Variants in RIMS1 observed in about 807,000 individuals in gnomAD.
The protein encoded by RIMS1 is regulating synaptic membrane exocytosis protein 1.
RIMS1 carries 83 observed loss-of-function variants against 214.1 expected under a neutral mutation model. The ratio of observed to expected loss-of-function variants is 0.39; its 90% CI spans 0.32 to 0.47. The LOEUF (loss-of-function observed/expected upper bound fraction) is 0.47, where lower values mean the gene tolerates loss of function less well. Among genes scored for constraint, RIMS1 ranks in the 20% least tolerant of loss-of-function variants. The pLI is 0.99. For missense variants in RIMS1, 2,050 were observed against 2,161.8 expected (o/e 0.95, Z 1.03); for synonymous variants, 793 against 786.8 (o/e 1.01, Z -0.13).
chr6:72,010,460 A>C, intron 2 of RIMS1, among the ~76,000 whole-genome samples: 1 of 152,128 alleles, frequency 6.6e-6, no homozygotes, highest in Non-Finnish European at 1.5e-5. Context: ...ATTCAACATA[A>C]TGTTGGAAGT....
At chr6:72,342,618 G>C (rs188686532) in intron 29 of RIMS1, among the ~76,000 whole-genome samples, 3 of 142,804 alleles carry the variant, frequency 2.1e-5, no homozygotes, top group African/African-American at 7.7e-5. Context: ...AGTAGTAAGA[G>C]TAAGATGGGT....
chr6:72,129,994 G>T (rs2040195963), intron 4 of RIMS1, among the ~76,000 whole-genome samples: 2 of 152,026 alleles, frequency 1.3e-5, no homozygotes, highest in African/African-American at 2.4e-5. Flanking sequence ...ATTATTTCAG[G>T]ATAATATCAT....
chr6:72,358,055 A>G (rs1348944037), intron 29 of RIMS1, among the ~76,000 whole-genome samples: 3 of 126,366 alleles, frequency 2.4e-5, no homozygotes, highest in African/African-American at 7.9e-5. Flanking sequence ...CATTTTAAAC[A>G]GTATCACCAC....
chr6:72,211,577 A>G (rs1035717788), intron 6 of RIMS1, among the ~76,000 whole-genome samples: 4 of 152,168 alleles, frequency 2.6e-5, no homozygotes, highest in Non-Finnish European at 4.4e-5. Context: ...ATAGTACTTC[A>G]GTACTGTCCT....
intron 2 of RIMS1, among the ~76,000 whole-genome samples, chr6:72,055,956 T>C (rs1826043027): frequency 6.6e-6 from 1 of 152,146 alleles, no homozygotes; most frequent in Non-Finnish European, 1.5e-5. Flanking sequence ...TAAAGACACA[T>C]GCATGCATAT....
intron 6 of RIMS1, among the ~76,000 whole-genome samples, chr6:72,205,956 A>T (rs1181077232): frequency 2.0e-5 from 3 of 152,152 alleles, no homozygotes; most frequent in Non-Finnish European, 4.4e-5. Flanking sequence ...TTATATCTAT[A>T]CTATATGGTA....
At position 72,059,844 on chromosome 6, in the gene RIMS1, T is replaced by C. The variant is rs372176706; in HGVS notation, c.246-37105T>C. On this transcript the variant is annotated intron_variant, in intron 2 of 33. Coordinates refer to ENST00000521978, the MANE Select transcript of RIMS1 (RefSeq NM_014989.7). ...TTCACATCAAAATCTGGATTTGCAG[T>C]TTTTCTGGAATAACTGAAATATTTG... is the stretch of plus-strand genomic sequence containing the variant. Among the ~76,000 whole-genome samples, 13 of 152,296 alleles carry C rather than the reference T, an allele frequency of 8.5e-5. No homozygotes were observed. In the East Asian group the frequency reaches 2.3e-3, roughly 27 times the overall value.
chr6:71,931,778 T>C (rs528441477), intron 1 of RIMS1, among the ~76,000 whole-genome samples: 1 of 152,204 alleles, frequency 6.6e-6, no homozygotes, highest in South Asian at 2.1e-4. Flanking sequence ...ATTTTTGCTT[T>C]TGTTGTAAAT....
chr6:72,046,135 T>A (rs1273900339), intron 2 of RIMS1, among the ~76,000 whole-genome samples: 1 of 152,112 alleles, frequency 6.6e-6, no homozygotes, highest in African/African-American at 2.4e-5. Flanking sequence ...TCAGCACTTA[T>A]GTGTCTCTTT....
chr6:71,910,604 G>T (rs145453675), intron 1 of RIMS1, among the ~76,000 whole-genome samples: 2 of 152,236 alleles, frequency 1.3e-5, no homozygotes, highest in East Asian at 3.9e-4. Context: ...TCATTATCCA[G>T]GATTGATTTT....
chr6:72,097,793 T>C (rs2032256710), intron 3 of RIMS1, among the ~76,000 whole-genome samples: 1 of 152,200 alleles, frequency 6.6e-6, no homozygotes, highest in East Asian at 1.9e-4. Context: ...ACTCCTGTTA[T>C]GCCAGTACTT....
chr6:72,009,103 A>G (rs181466009), intron 2 of RIMS1, among the ~76,000 whole-genome samples: 1,856 of 152,310 alleles, frequency 0.012, 44 homozygotes, highest in African/African-American at 0.041. Context: ...ATGTAAAAGA[A>G]CAGAAATTAT....
At chr6:72,296,889 T>C (rs1592399128) in intron 26 of RIMS1, among the ~76,000 whole-genome samples, 1 of 151,858 alleles carries the variant, frequency 6.6e-6, no homozygotes, top group Non-Finnish European at 1.5e-5. Context: ...AGTAGTAGAC[T>C]ACAAACCCAG....
At chr6:72,227,258 C>T (rs1054735624) in intron 6 of RIMS1, among the ~76,000 whole-genome samples, 13 of 151,754 alleles carry the variant, frequency 8.6e-5, no homozygotes, top group East Asian at 3.9e-4. Flanking sequence ...TTAGTTTGTA[C>T]GTGCTATTAG....
intron 1 of RIMS1, among the ~76,000 whole-genome samples, chr6:71,910,326 G>C (rs534528309): frequency 1.3e-5 from 2 of 152,260 alleles, no homozygotes; most frequent in African/African-American, 4.8e-5. Flanking sequence ...GTATTTGTCT[G>C]ACTCTGGAAG....
chr6:71,996,806 GA>G lies in RIMS1; in HGVS notation c.245+27750del, dbSNP rs1406118954. ...TGCTGCTGGAGGAGCATTTCCTGGG[GA>G]AAAAAAGGAGTCTTACTGCAAAGAT... is the stretch of plus-strand genomic sequence containing the variant. On this transcript the variant is annotated intron_variant, in intron 2 of 33. Coordinates refer to ENST00000521978, the MANE Select transcript of RIMS1 (RefSeq NM_014989.7). Among the ~76,000 whole-genome samples, 3 of 151,894 alleles carry G rather than the reference GA, an allele frequency of 2.0e-5. 1 individual carries two copies. The highest frequency in any genetic ancestry group is 3.9e-4 in the East Asian group (2 of 5,174).
chr6:72,218,335 C>T (rs1259606655), intron 6 of RIMS1, among the ~76,000 whole-genome samples: 1 of 152,110 alleles, frequency 6.6e-6, no homozygotes, highest in Non-Finnish European at 1.5e-5. Flanking sequence ...TGCTCCCCCT[C>T]AGGTTCAGTG....
chr6:72,137,618 AAT>A (rs937796251), intron 4 of RIMS1, among the ~76,000 whole-genome samples: 19 of 150,912 alleles, frequency 1.3e-4, no homozygotes, highest in South Asian at 2.1e-4. Context: ...ATGTGTTTTA[AAT>A]ATATATATAT....
intron 4 of RIMS1, among the ~76,000 whole-genome samples, chr6:72,115,578 G>A (rs1311788421): frequency 6.6e-6 from 1 of 151,808 alleles, no homozygotes; most frequent in African/African-American, 2.4e-5. Context: ...GTTACCCTAT[G>A]TTTTTGTGAT....
Sources: allele counts gnomAD v4.1 joint callset (sites outside exome capture counted in the v4.1 genomes callset), GRCh38; gene constraint gnomAD v4.1.1; transcripts MANE v1.5; gene names NCBI Gene and HGNC (gene_info 2026-07-23, HGNC 2026-07-21).